Variants in ARMC9 observed in about 807,000 individuals in gnomAD.
The protein encoded by ARMC9 is armadillo repeat containing 9, also known as lisH domain-containing protein ARMC9.
ARMC9 carries 94 observed loss-of-function variants against 107.0 expected under a neutral mutation model. That is an observed-to-expected ratio of 0.88 (90% confidence interval 0.74 to 1.04). The LOEUF (loss-of-function observed/expected upper bound fraction) is 1.04. Among genes scored for constraint, ARMC9 ranks in the 50% least tolerant of loss-of-function variants. The probability of loss-of-function intolerance (pLI) is 0.00; values close to 1 mark genes in which losing one functional copy is unlikely to be tolerated. For synonymous variants in ARMC9, 380 were observed against 396.9 expected (o/e 0.96, Z 0.51); for missense variants, 942 against 1,030.1 (o/e 0.91, Z 1.17).
rs2043764190 is a variant in ARMC9 at position 231,331,893 on chromosome 2, TGG to T, written c.1878_1878+1del. The T allele has an allele frequency of 6.2e-7, 1 of 1,609,730 alleles. No homozygotes were observed. The highest frequency in any genetic ancestry group is 1.7e-5 in the Admixed American group (1 of 59,896). ...GAGAAGCTTCTGACCACGGAGTACC[TGG>T]GGGTAAGTGCCACACAAAGGGTGGG... is the stretch of plus-strand genomic sequence containing the variant. On this transcript the variant is annotated frameshift_variant and splice_region_variant, in exon 20 of 25. Coordinates refer to ENST00000611582, the MANE Select transcript of ARMC9 (RefSeq NM_001352754.2). LOFTEE classifies it high-confidence loss of function.
Position 231,371,551 on chromosome 2 carries a change from T to C in ARMC9, c.*16T>C. ...CAGGAAGTAAGGATGTCCCCGGGTG[T>C]CCCCATCACGTTGCCGGAGGACCAG... On this transcript the variant is annotated 3_prime_UTR_variant, in exon 25 of 25. Coordinates refer to ENST00000611582, the MANE Select transcript of ARMC9 (RefSeq NM_001352754.2). 2 of 1,234,332 alleles carry C rather than the reference T, an allele frequency of 1.6e-6. No homozygotes were observed. The highest frequency in any genetic ancestry group is 2.0e-6 in the Non-Finnish European group (2 of 989,352). The allele number at this position is 1,234,332 out of a possible 1,614,324, so 76.5% of individuals were successfully genotyped here. A position where few individuals can be genotyped will look rare whatever the true frequency, so the allele number is the denominator to read the frequency against.
intron 19 of ARMC9, among the ~76,000 whole-genome samples, chr2:231,317,780 C>T (rs1206581435): frequency 2.0e-5 from 3 of 152,114 alleles, no homozygotes; most frequent in Non-Finnish European, 4.4e-5. Flanking sequence ...TTGAGCTCAT[C>T]TATTGAATTC....
chr2:231,262,529 G>C (rs1237599062), intron 12 of ARMC9, 131 bp downstream of exon 12: 1 of 879,240 alleles, frequency 1.1e-6, no homozygotes. Flanking sequence ...TTGAGCTCAT[G>C]AGGTTCTGGG....
intron 10 of ARMC9, 32 bp downstream of exon 10, chr2:231,256,652 G>A (rs2037846462): frequency 1.2e-6 from 2 of 1,604,278 alleles, no homozygotes; most frequent in Non-Finnish European, 1.7e-6. Context: ...TTTTTATTAA[G>A]GAGAACAGCA....
intron 19 of ARMC9, among the ~76,000 whole-genome samples, chr2:231,309,399 C>T (rs994050160): frequency 1.3e-5 from 2 of 152,076 alleles, no homozygotes; most frequent in African/African-American, 4.8e-5. Context: ...CCTGTTATCA[C>T]GGAATTTGGG....
chr2:231,339,705 C>T (rs1188410455), intron 20 of ARMC9, among the ~76,000 whole-genome samples: 3 of 152,192 alleles, frequency 2.0e-5, no homozygotes, highest in Non-Finnish European at 2.9e-5. Flanking sequence ...CTTGGGAGGC[C>T]GAGGTGGGCA....
chr2:231,333,395 G>A (rs912725851), intron 20 of ARMC9, among the ~76,000 whole-genome samples: 8 of 152,202 alleles, frequency 5.3e-5, no homozygotes, highest in African/African-American at 1.2e-4. Flanking sequence ...GCTGGGGGGC[G>A]GGGAACCACC....
At chr2:231,345,798 G>A (rs914426175) in intron 21 of ARMC9, among the ~76,000 whole-genome samples, 17 of 152,210 alleles carry the variant, frequency 1.1e-4, no homozygotes, top group Admixed American at 2.6e-4. Context: ...AATAATGGCC[G>A]TGTAATTTTT....
chr2:231,218,982 C>T (rs2033826745), intron 5 of ARMC9, among the ~76,000 whole-genome samples: 1 of 152,054 alleles, frequency 6.6e-6, no homozygotes, highest in Non-Finnish European at 1.5e-5. Flanking sequence ...AAACTCCTGA[C>T]CTCAGGTGAT....
At chr2:231,280,245 A>G (rs536401278) in intron 16 of ARMC9, among the ~76,000 whole-genome samples, 3 of 152,286 alleles carry the variant, frequency 2.0e-5, no homozygotes, top group African/African-American at 7.2e-5. Flanking sequence ...ACTTGAAGTC[A>G]GGAGTTCGAG....
rs1186979304 is a variant in ARMC9, at chr2:231,375,644, G to A, written c.*4109G>A. 6.6e-6 allele frequency among the ~76,000 whole-genome samples: 1 copy of A among 152,226 alleles called. No homozygotes were observed. The highest frequency in any genetic ancestry group is 1.5e-5 in the Non-Finnish European group (1 of 68,046). Reference sequence around the variant, plus strand: ...CTAGGGAGAATTTCTGGCCTTTTCGGATGGCATGGTCCAGGCCGGAGCACC... The same window carrying A: ...CTAGGGAGAATTTCTGGCCTTTTCGAATGGCATGGTCCAGGCCGGAGCACC... On this transcript the variant is annotated 3_prime_UTR_variant, in exon 25 of 25. Coordinates refer to ENST00000611582, the MANE Select transcript of ARMC9 (RefSeq NM_001352754.2). The surrounding 1 kb of genome is among the most constrained non-coding windows in gnomAD (Gnocchi z 4.3).
chr2:231,338,925 C>T (rs990482550), intron 20 of ARMC9, among the ~76,000 whole-genome samples: 1 of 151,780 alleles, frequency 6.6e-6, no homozygotes, highest in Middle Eastern at 3.2e-3. Context: ...AAAGATTAGC[C>T]TTTCCTGTAA....
At chr2:231,278,698 G>C (rs1027519747) in intron 16 of ARMC9, among the ~76,000 whole-genome samples, 1 of 151,588 alleles carries the variant, frequency 6.6e-6, no homozygotes, top group Admixed American at 6.6e-5. Flanking sequence ...GGCCTGTGCC[G>C]GGCCCCTCCG....
At chr2:231,260,502 T>G (rs193193178) in intron 11 of ARMC9, among the ~76,000 whole-genome samples, 38 of 152,340 alleles carry the variant, frequency 2.5e-4, no homozygotes, top group Admixed American at 1.1e-3. Context: ...ATTTCCCATC[T>G]GTGGATAGAA....
At chr2:231,312,304 G>A (rs2042398993) in intron 19 of ARMC9, among the ~76,000 whole-genome samples, 1 of 152,346 alleles carries the variant, frequency 6.6e-6, no homozygotes, top group East Asian at 1.9e-4. Flanking sequence ...AGTTCCAAGA[G>A]GTTGAAGTTG....
chr2:231,312,958 CTAGAATTCATCTATTTA>C (rs1476473727), intron 19 of ARMC9, among the ~76,000 whole-genome samples: 1 of 152,140 alleles, frequency 6.6e-6, no homozygotes, highest in Non-Finnish European at 1.5e-5. Context: ...ACTGACTTGG[CTAGAATTCATCTATTTA>C]ACAAATATGT....
chr2:231,201,163 T>G (rs1037972164), intron 1 of ARMC9, among the ~76,000 whole-genome samples: 1 of 152,172 alleles, frequency 6.6e-6, no homozygotes, highest in South Asian at 2.1e-4. Flanking sequence ...GCAGCTGCCT[T>G]TCTTCTCTCC....
chr2:231,270,083 C>G (rs1375812237), intron 12 of ARMC9, among the ~76,000 whole-genome samples: 1 of 152,110 alleles, frequency 6.6e-6, no homozygotes, highest in Non-Finnish European at 1.5e-5. Flanking sequence ...TAATTCTTTC[C>G]CCGTGGGCTG....
rs140952401 is a variant in ARMC9 at position 231,342,945 on chromosome 2, C to G, written c.1879-2030C>G. Among the ~76,000 whole-genome samples the G allele has an allele frequency of 4.5e-3, 684 of 152,012 alleles. 6 individuals are homozygous for G. Among genetic ancestry groups the G allele is most frequent in the African/African-American group, 0.016 (646 of 41,438 alleles). The stretch of plus-strand genomic sequence containing the variant: ...TTTGTTTTTGTTTTTGTTTGAGATG[C>G]TCTTGTTGCCCAGGCTGGAGTGCAA... On this transcript the variant is annotated intron_variant, in intron 20 of 24. Transcript: ENST00000611582.
Sources: gnomAD v4.1 joint callset for allele counts (sites outside exome capture counted in the v4.1 genomes callset) on GRCh38, gnomAD v4.1.1 for gene constraint, Gnocchi (gnomAD v3.1) non-coding constraint, MANE v1.5 for transcripts, NCBI Gene and HGNC (gene_info 2026-07-23, HGNC 2026-07-21) for gene names.